Variants in TGFBR3 observed in about 807,000 individuals in gnomAD.
The protein encoded by TGFBR3 is transforming growth factor beta receptor 3.
In TGFBR3, 46 loss-of-function variants were observed where a neutral mutation model predicts 87.9. The ratio of observed to expected loss-of-function variants is 0.52; its 90% confidence interval spans 0.41 to 0.67. The LOEUF is 0.67. Among genes scored for constraint, TGFBR3 ranks in the 30% least tolerant of loss-of-function variants. The pLI is 0.00. For missense variants in TGFBR3, 866 were observed against 1,041.9 expected, an observed-to-expected ratio of 0.83 and a Z score of 2.32; for synonymous variants, 381 against 391.6, an observed-to-expected ratio of 0.97 and a Z score of 0.32.
intron 6 of TGFBR3, 57 bp downstream of exon 6, chr1:91,729,748 T>G: frequency 6.2e-7 from 1 of 1,602,186 alleles, no homozygotes; most frequent in Non-Finnish European, 8.6e-7. Flanking sequence ...CTGCCTCAAG[T>G]CAAGGAAGAT....
At chr1:91,712,164 G>T in intron 13 of TGFBR3, 79 bp downstream of exon 13, 1 of 1,374,410 alleles carries the variant, frequency 7.3e-7, no homozygotes, top group Non-Finnish European at 1.0e-6. Flanking sequence ...ACCTCAACCT[G>T]CAAGACCTTG....
At chr1:91,802,777 C>T (rs1675684323) in intron 2 of TGFBR3, among the ~76,000 whole-genome samples, 1 of 152,126 alleles carries the variant, frequency 6.6e-6, no homozygotes, top group Non-Finnish European at 1.5e-5. Context: ...CCCCTCGTGC[C>T]TGTTGTTCCT....
At chr1:91,774,474 C>T (rs1036630793) in intron 3 of TGFBR3, among the ~76,000 whole-genome samples, 2 of 152,076 alleles carry the variant, frequency 1.3e-5, no homozygotes, top group African/African-American at 2.4e-5. Context: ...ATAATTGATA[C>T]TGAAAGATGA....
chr1:91,680,949 A>G lies in TGFBR3; in HGVS notation c.*2790T>C, dbSNP rs1465782624. On this transcript the variant is annotated 3_prime_UTR_variant, in exon 17 of 17. Transcript: ENST00000212355. ...TTAAAATACAGAGTAACAGCTGGTA[A>G]ACACCACATGGTGAAAAGCTATAGC... The G allele has an allele frequency of 1.3e-5, 6 of 454,046 alleles. No individual in the cohort carries two copies. Among genetic ancestry groups the G allele is most frequent in the Non-Finnish European group, 4.4e-6 (1 of 226,804 alleles). The allele number at this position is 454,046 out of a possible 1,614,324, so 28.1% of individuals were successfully genotyped here.
intron 1 of TGFBR3, among the ~76,000 whole-genome samples, chr1:91,879,006 C>T (rs1410982294): frequency 6.6e-6 from 1 of 152,172 alleles, no homozygotes; most frequent in East Asian, 1.9e-4. Flanking sequence ...TGGTGGCTCA[C>T]GCCTGTAATC....
intron 2 of TGFBR3, among the ~76,000 whole-genome samples, chr1:91,891,760 C>G (rs1397496796): frequency 6.6e-6 from 1 of 152,118 alleles, no homozygotes; most frequent in Non-Finnish European, 1.5e-5. Context: ...TTATTTTCTG[C>G]TCTGTTAACC....
chr1:91,710,383 T>C (rs1325358857), intron 13 of TGFBR3, among the ~76,000 whole-genome samples: 3 of 152,212 alleles, frequency 2.0e-5, no homozygotes, highest in African/African-American at 2.4e-5. Flanking sequence ...TTTCCTGTTT[T>C]AGTTTACTGT....
At chr1:91,815,059 T>A (rs1258011519) in intron 2 of TGFBR3, among the ~76,000 whole-genome samples, 3 of 152,178 alleles carry the variant, frequency 2.0e-5, no homozygotes, top group Non-Finnish European at 4.4e-5. Context: ...CCCAACACTT[T>A]GGGAGGCCAA....
intron 4 of TGFBR3, among the ~76,000 whole-genome samples, chr1:91,738,238 A>C (rs1341700729): frequency 2.0e-5 from 3 of 152,196 alleles, no homozygotes; most frequent in Non-Finnish European, 4.4e-5. Context: ...ATATATGTGA[A>C]CACTGCATGA....
At chr1:91,842,718 T>G (rs1339135800) in intron 2 of TGFBR3, among the ~76,000 whole-genome samples, 1 of 152,228 alleles carries the variant, frequency 6.6e-6, no homozygotes, top group Non-Finnish European at 1.5e-5. Flanking sequence ...ATATATTGTC[T>G]AAATAAAGAT....
intron 2 of TGFBR3, among the ~76,000 whole-genome samples, chr1:91,841,720 G>A (rs1003924749): frequency 7.9e-5 from 12 of 151,558 alleles, no homozygotes; most frequent in African/African-American, 2.9e-4. Context: ...CTTGAACCTG[G>A]GAGGCGAAGG....
intron 14 of TGFBR3, among the ~76,000 whole-genome samples, chr1:91,706,440 C>A (rs1168687219): frequency 6.6e-6 from 1 of 152,162 alleles, no homozygotes; most frequent in Non-Finnish European, 1.5e-5. Context: ...CATTAGCATG[C>A]TAAAAGACAC....
In TGFBR3 at chr1:91,761,901, C is replaced by T. The variant is rs574220081; in HGVS notation, c.247-3151G>A. Among the ~76,000 whole-genome samples, 212 of 152,204 alleles carry T rather than the reference C, an allele frequency of 1.4e-3. 1 individual carries two copies. Among genetic ancestry groups the T allele is most frequent in the Non-Finnish European group, 2.5e-3 (170 of 68,016 alleles). On this transcript the variant is annotated intron_variant, in intron 3 of 16. Coordinates refer to ENST00000212355, the MANE Select transcript of TGFBR3 (RefSeq NM_003243.5). Reference sequence around the variant, plus strand: ...CTCTCCAGTGCTCATGGTCTAAAGGCCGAGCTGAGGCAGACTACAGCAAAT... The same window carrying T: ...CTCTCCAGTGCTCATGGTCTAAAGGTCGAGCTGAGGCAGACTACAGCAAAT...
Position 91,716,285 on chromosome 1 carries a change from G to A in TGFBR3, c.1817C>T (p.Pro606Leu). The change falls in exon 12 of 17, where the codon CCC becomes CTC. Residue 606 changes from proline to leucine, a missense_variant. Transcript: ENST00000212355. ...ELYNTDLFLVPSQGVFSVPEN... is the reference protein window; with the variant it reads ...ELYNTDLFLVLSQGVFSVPEN... ...TGGCACAGAGAAGACGCCCTGGGAG[G>A]GCACCAAAAAGAGGTCAGTGTTGTA... 6.2e-7 allele frequency: 1 copy of A among 1,614,076 alleles called. No homozygotes were observed. Among genetic ancestry groups the A allele is most frequent in the African/African-American group, 1.3e-5 (1 of 75,004 alleles).
chr1:91,736,821 C>T (rs968678341), intron 4 of TGFBR3, among the ~76,000 whole-genome samples: 2 of 152,170 alleles, frequency 1.3e-5, no homozygotes, highest in African/African-American at 2.4e-5. Context: ...AATGTTTAGA[C>T]GAGAAACCCT....
intron 2 of TGFBR3, among the ~76,000 whole-genome samples, chr1:91,843,859 G>A (rs1677379927): frequency 1.3e-5 from 2 of 152,138 alleles, no homozygotes; most frequent in South Asian, 2.1e-4. Flanking sequence ...CTAAATAAAG[G>A]TGCAGCAACC....
In TGFBR3 at chr1:91,727,756, A is replaced by G. The variant is rs561024989; in HGVS notation, c.788T>C (p.Leu263Pro). 1.2e-6 allele frequency: 2 copies of G among 1,614,108 alleles called. No individual in the cohort carries two copies. Among genetic ancestry groups the G allele is most frequent in the Non-Finnish European group, 1.7e-6 (2 of 1,180,006 alleles). The change falls in exon 7 of 17, where the codon CTT (leucine) becomes CCT (proline). Residue 263 changes from leucine (L) to proline (P), a missense_variant. Transcript: ENST00000212355. ...CAGGATGAGATTTTTGACCACTTCA[A>G]GATCCTCTTGAGAAGGTCTTATATC... ...TIDIRPSQEDLEVVKNLILIL... is the reference protein window; with the variant it reads ...TIDIRPSQEDPEVVKNLILIL...
chr1:91,776,991 C>T (rs1377310615), intron 3 of TGFBR3, among the ~76,000 whole-genome samples: 1 of 152,182 alleles, frequency 6.6e-6, no homozygotes, highest in African/African-American at 2.4e-5. Context: ...CATTCCACAC[C>T]TGACCCCAAC....
At chr1:91,782,551 G>A (rs112941922) in intron 3 of TGFBR3, among the ~76,000 whole-genome samples, 1 of 152,290 alleles carries the variant, frequency 6.6e-6, no homozygotes, top group Non-Finnish European at 1.5e-5. Context: ...GAGGAGCAGA[G>A]GAATGTGGAA....
Sources: allele counts gnomAD v4.1 joint callset (sites outside exome capture counted in the v4.1 genomes callset), GRCh38; gene constraint gnomAD v4.1.1; transcripts MANE v1.5; gene names NCBI Gene and HGNC (gene_info 2026-07-23, HGNC 2026-07-21).